Variants in POMGNT2 observed in about 807,000 individuals in gnomAD.
POMGNT2 encodes protein O-linked mannose N-acetylglucosaminyltransferase 2 (beta 1,4-).
In POMGNT2, 32 loss-of-function variants were observed where a neutral mutation model predicts 37.8. The ratio of observed to expected loss-of-function variants is 0.85; its 90% CI spans 0.64 to 1.14. The LOEUF is 1.14. Among genes scored for constraint, POMGNT2 ranks in the 50% most tolerant of loss-of-function variants. POMGNT2 has a pLI of 0.00. For synonymous variants in POMGNT2, 340 were observed against 336.8 expected (o/e 1.01, Z -0.10); for missense variants, 705 against 780.6 (o/e 0.90, Z 1.15).
chr3:43,084,934 C>T (rs1223161696), intron 1 of POMGNT2, among the ~76,000 whole-genome samples: 3 of 151,800 alleles, frequency 2.0e-5, no homozygotes, highest in African/African-American at 4.8e-5. Context: ...TTATGATACT[C>T]TGGATCTTAC....
chr3:43,105,615 C>G lies in POMGNT2; in HGVS notation c.-106+221G>C, dbSNP rs1307165866. 4.0e-5 allele frequency among the ~76,000 whole-genome samples: 6 copies of G among 150,620 alleles called. 1 individual carries two copies. The South Asian group carries it at 1.3e-3, about 32-fold the overall frequency. Reference sequence around the variant, plus strand: ...CGGCCCCCGACCCTGAGGGTCCACCCCCGCCCCGCCCACCTCCCGCGCCTC... The same window carrying G: ...CGGCCCCCGACCCTGAGGGTCCACCGCCGCCCCGCCCACCTCCCGCGCCTC... On this transcript the variant is annotated intron_variant, in intron 1 of 1. Coordinates refer to ENST00000344697, the MANE Select transcript of POMGNT2 (RefSeq NM_032806.6).
In POMGNT2 at chr3:43,080,103, G is replaced by A. The variant is rs778395477; in HGVS notation, c.1329C>T (p.Leu443=). 8 of 1,613,784 alleles carry A rather than the reference G, an allele frequency of 5.0e-6. No individual in the cohort carries two copies. The highest frequency in any genetic ancestry group is 2.2e-5 in the South Asian group (2 of 91,090). The change falls in exon 2 of 2, where the codon CTC becomes CTT. Residue 443 remains leucine, a synonymous_variant. Transcript: ENST00000344697. ...RHLCCRNPEW[L]FRIYQDTKVD... ...CCTTGGTGTCCTGGTAGATTCGGAAGAGCCACTCGGGGTTCCGGCAACAGA... is the reference window on the plus strand; with the variant it reads ...CCTTGGTGTCCTGGTAGATTCGGAAAAGCCACTCGGGGTTCCGGCAACAGA...
At chr3:43,092,175 G>A (rs1210180172) in intron 1 of POMGNT2, among the ~76,000 whole-genome samples, 2 of 152,124 alleles carry the variant, frequency 1.3e-5, no homozygotes, top group African/African-American at 4.8e-5. Context: ...GTTATTAGTA[G>A]GGGAAGTGGG....
rs138980930 is a variant in POMGNT2 at position 43,080,758 on chromosome 3, C to T, written c.674G>A (p.Arg225Gln). The stretch of plus-strand genomic sequence containing the variant: ...AAAAGCATGGGAGAAGCACAGCAGC[C>T]GGCCCAGGGTCTTCAGCTGTGCCCG... ...LLRAQLKTLG[R>Q]LLCFSHAFVG... The change falls in exon 2 of 2, where the codon CGG becomes CAG. Residue 225 changes from arginine (R) to glutamine (Q), a missense_variant. Physicochemically the swap from Arg to Gln is conservative, Grantham distance 43. Coordinates refer to ENST00000344697, the MANE Select transcript of POMGNT2 (RefSeq NM_032806.6). 3.7e-4 allele frequency: 595 copies of T among 1,614,078 alleles called. No homozygotes were observed. The African/African-American group carries it at 6.4e-3, about 17-fold the overall frequency.
rs2089996772 is a variant in POMGNT2 at position 43,098,773 on chromosome 3, T to G, written c.-106+7063A>C. Reference sequence around the variant, plus strand: ...ACTCCAACAGAATTCAAGTCTGTACTACTTTGGTGAGAAGGGTGATGTCAG... The same window carrying G: ...ACTCCAACAGAATTCAAGTCTGTACGACTTTGGTGAGAAGGGTGATGTCAG... On this transcript the variant is annotated intron_variant, in intron 1 of 1. Coordinates refer to ENST00000344697, the MANE Select transcript of POMGNT2 (RefSeq NM_032806.6). The surrounding 1 kb of genome is among the most constrained non-coding windows in gnomAD (Gnocchi z 4.3). Among the ~76,000 whole-genome samples, 1 of 152,228 alleles carries G rather than the reference T, an allele frequency of 6.6e-6. No homozygotes were observed. Among genetic ancestry groups the G allele is most frequent in the African/African-American group, 2.4e-5 (1 of 41,466 alleles).
chr3:43,099,795 G>A (rs1195759647), intron 1 of POMGNT2, among the ~76,000 whole-genome samples: 1 of 152,026 alleles, frequency 6.6e-6, no homozygotes, highest in Non-Finnish European at 1.5e-5. Context: ...GACAGAATTA[G>A]GCTGAGTTTT....
chr3:43,095,507 C>A (rs2089973530), intron 1 of POMGNT2, among the ~76,000 whole-genome samples: 1 of 152,202 alleles, frequency 6.6e-6, no homozygotes, highest in Non-Finnish European at 1.5e-5. Flanking sequence ...GGTGCCCTAA[C>A]AAAGCGTCCT....
At chr3:43,082,337 T>C in intron 1 of POMGNT2, among the ~76,000 whole-genome samples, 1 of 152,220 alleles carries the variant, frequency 6.6e-6, no homozygotes. Context: ...GCTTTGCTCC[T>C]GCTTAAAGCT....
In POMGNT2 at chr3:43,098,728, A is replaced by G. The variant is rs990866828; in HGVS notation, c.-106+7108T>C. On this transcript the variant is annotated intron_variant, in intron 1 of 1. Coordinates refer to ENST00000344697, the MANE Select transcript of POMGNT2 (RefSeq NM_032806.6). This position sits in a 1 kb window ranked among gnomAD's most constrained non-coding sequence, Gnocchi z 4.3. ...ATATTGCCTTATCAATAGAAAAGGAACCCCTTCAAAGCAGGAAAAACTCCA... is the reference window on the plus strand; with the variant it reads ...ATATTGCCTTATCAATAGAAAAGGAGCCCCTTCAAAGCAGGAAAAACTCCA... Among the ~76,000 whole-genome samples the G allele has an allele frequency of 6.6e-6, 1 of 152,194 alleles. No homozygotes were observed. The highest frequency in any genetic ancestry group is 2.4e-5 in the African/African-American group (1 of 41,436).
Position 43,081,505 on chromosome 3 carries a change from TCC to T in POMGNT2, c.-76_-75del. The T allele has an allele frequency of 8.0e-7, 1 of 1,248,700 alleles. No homozygotes were observed. The highest frequency in any genetic ancestry group is 1.1e-6 in the Non-Finnish European group (1 of 918,170). The allele number at this position is 1,248,700 out of a possible 1,614,324, so 77.4% of individuals were successfully genotyped here. On this transcript the variant is annotated 5_prime_UTR_variant, in exon 2 of 2. The change creates a premature stop within an existing upstream ORF in the 5' untranslated region. Transcript: ENST00000344697. ...CCACAGGCCAGGCAGGCTTCACCCA[TCC>T]CTATGGGCATCCTGAGAACTGGTGA... is the stretch of plus-strand genomic sequence containing the variant.
At chr3:43,104,155 A>C (rs925918585) in intron 1 of POMGNT2, among the ~76,000 whole-genome samples, 4 of 152,200 alleles carry the variant, frequency 2.6e-5, no homozygotes, top group African/African-American at 9.7e-5. Context: ...AATTAAGTAG[A>C]GGGGTTAGGA....
chr3:43,105,547 C>G (rs2090051897), intron 1 of POMGNT2, among the ~76,000 whole-genome samples: 1 of 151,970 alleles, frequency 6.6e-6, no homozygotes, highest in Non-Finnish European at 1.5e-5. Context: ...AGCCCCAGGG[C>G]GTTGCCCAGG....
chr3:43,096,262 C>A (rs1575472193), intron 1 of POMGNT2, among the ~76,000 whole-genome samples: 2 of 152,142 alleles, frequency 1.3e-5, no homozygotes, highest in African/African-American at 4.8e-5. Flanking sequence ...AGGATCCAAT[C>A]GGCACCTGAA....
In POMGNT2 at chr3:43,081,212, G is replaced by A; in HGVS notation, c.220C>T (p.His74Tyr). 1 of 1,614,104 alleles carries A rather than the reference G, an allele frequency of 6.2e-7. No individual in the cohort carries two copies. Among genetic ancestry groups the A allele is most frequent in the Non-Finnish European group, 8.5e-7 (1 of 1,180,038 alleles). ...TTGAAGCGGCAGATGCGGTCTGTGTGCGTGCGGCCCGTGCACACCATGTGT... is the reference window on the plus strand; with the variant it reads ...TTGAAGCGGCAGATGCGGTCTGTGTACGTGCGGCCCGTGCACACCATGTGT... ...GTHMVCTGRT[H>Y]TDRICRFKWL... Residue 74 changes from histidine (H) to tyrosine (Y), a missense_variant, in exon 2 of 2, where the codon CAC becomes TAC. Coordinates refer to ENST00000344697, the MANE Select transcript of POMGNT2 (RefSeq NM_032806.6).
In POMGNT2 at chr3:43,098,189, T is replaced by G. The variant is rs1190573030; in HGVS notation, c.-106+7647A>C. ...ATTGAAAATTATAGAAATCTTATTT[T>G]GTCACTGAAAAGTGTTTTTGTCCTA... On this transcript the variant is annotated intron_variant, in intron 1 of 1. Coordinates refer to ENST00000344697, the MANE Select transcript of POMGNT2 (RefSeq NM_032806.6). This position sits in a 1 kb window ranked among gnomAD's most constrained non-coding sequence, Gnocchi z 4.3. 1.3e-5 allele frequency among the ~76,000 whole-genome samples: 2 copies of G among 152,274 alleles called. No homozygotes were observed. Among genetic ancestry groups the G allele is most frequent in the Non-Finnish European group, 2.9e-5 (2 of 68,052 alleles).
intron 1 of POMGNT2, among the ~76,000 whole-genome samples, chr3:43,101,243 C>A (rs1449281742): frequency 6.6e-6 from 1 of 152,182 alleles, no homozygotes; most frequent in Non-Finnish European, 1.5e-5. Flanking sequence ...TGCTCAGGGA[C>A]CTAGAGTAAG....
At chr3:43,084,899 T>C (rs934752669) in intron 1 of POMGNT2, among the ~76,000 whole-genome samples, 1 of 152,202 alleles carries the variant, frequency 6.6e-6, no homozygotes, top group African/African-American at 2.4e-5. Flanking sequence ...TGCTAAAACT[T>C]ATCCTGGACA....
intron 1 of POMGNT2, among the ~76,000 whole-genome samples, chr3:43,091,666 TAC>T (rs1411962293): frequency 6.6e-6 from 1 of 152,202 alleles, no homozygotes; most frequent in African/African-American, 2.4e-5. Flanking sequence ...AAATAGAAAC[TAC>T]AGTAGAGAAG....
intron 1 of POMGNT2, among the ~76,000 whole-genome samples, chr3:43,101,409 C>A (rs1281951679): frequency 6.6e-6 from 1 of 152,184 alleles, no homozygotes; most frequent in Non-Finnish European, 1.5e-5. Context: ...ACAAAAACAA[C>A]CCATGTGGAC....
Sources: allele counts gnomAD v4.1 joint callset (sites outside exome capture counted in the v4.1 genomes callset), GRCh38; gene constraint gnomAD v4.1.1; non-coding constraint Gnocchi (gnomAD v3.1); transcripts MANE v1.5; gene names NCBI Gene and HGNC (gene_info 2026-07-23, HGNC 2026-07-21).